The following EYS variants were observed in gnomAD, a reference collection of about 807,000 sequenced individuals.
The protein encoded by EYS is protein eyes shut homolog.
In EYS, 250 loss-of-function variants were observed where a neutral mutation model predicts 282.1. The ratio of observed to expected loss-of-function variants is 0.89; its 90% CI spans 0.80 to 0.98. The LOEUF is 0.98. Ranked by LOEUF, EYS falls within the 50% of genes least tolerant of loss-of-function variation. The pLI is 0.00. For missense variants in EYS, 4,016 were observed against 3,709.0 expected (o/e 1.08, Z -2.15); for synonymous variants, 1,355 against 1,282.9 (o/e 1.06, Z -1.20).
chr6:63,804,295 C>T (rs866177925), intron 37 of EYS, among the ~76,000 whole-genome samples: 30 of 152,252 alleles, frequency 2.0e-4, no homozygotes, highest in African/African-American at 6.7e-4. Context: ...GGATTACAGG[C>T]GTGAGTCACC....
At chr6:64,568,324 A>C (rs1200723586) in intron 26 of EYS, among the ~76,000 whole-genome samples, 3 of 152,226 alleles carry the variant, frequency 2.0e-5, no homozygotes, top group Non-Finnish European at 4.4e-5. Flanking sequence ...CTAGTGAAGG[A>C]AGATGAACAT....
intron 13 of EYS, among the ~76,000 whole-genome samples, chr6:65,024,561 T>A (rs189689366): frequency 3.9e-4 from 59 of 152,340 alleles, no homozygotes; most frequent in Middle Eastern, 3.4e-3. Context: ...GTGGTTTACT[T>A]CTTCAAAATT....
intron 26 of EYS, among the ~76,000 whole-genome samples, chr6:64,461,918 T>G (rs1379921135): frequency 6.6e-6 from 1 of 152,186 alleles, no homozygotes; most frequent in Non-Finnish European, 1.5e-5. Flanking sequence ...CTCATACTAT[T>G]GAATAAAAAG....
intron 31 of EYS, among the ~76,000 whole-genome samples, chr6:64,165,727 G>A (rs1764268418): frequency 6.6e-6 from 1 of 152,050 alleles, no homozygotes; most frequent in Non-Finnish European, 1.5e-5. Context: ...CCATTAATAT[G>A]GCTCCATCAG....
intron 22 of EYS, among the ~76,000 whole-genome samples, chr6:64,693,376 T>G (rs1159649635): frequency 1.3e-5 from 2 of 152,088 alleles, no homozygotes; most frequent in African/African-American, 4.8e-5. Context: ...AGGATACACA[T>G]TTGCTAATTT....
At chr6:64,061,318 G>A (rs912512371) in intron 33 of EYS, among the ~76,000 whole-genome samples, 1 of 152,136 alleles carries the variant, frequency 6.6e-6, no homozygotes, top group Admixed American at 6.6e-5. Context: ...TATATATATA[G>A]TAAGACAATT....
chr6:64,300,298 C>A (rs1769189619), intron 30 of EYS, among the ~76,000 whole-genome samples: 1 of 152,168 alleles, frequency 6.6e-6, no homozygotes, highest in Admixed American at 6.5e-5. Context: ...AGAAGCAACA[C>A]AGACAAAAAG....
rs181133868 is a variant in EYS, at chr6:65,471,430, C to T, written c.862+19164G>A. ...AACAAAAAAAAGGAGTTTATAAAAT[C>T]AACTAATAAAATAAAGATAAATGAC... On this transcript the variant is annotated intron_variant, in intron 5 of 42. Transcript: ENST00000503581. Among the ~76,000 whole-genome samples, 313 of 151,882 alleles carry T rather than the reference C, an allele frequency of 2.1e-3. 2 individuals carry two copies. The highest frequency in any genetic ancestry group is 7.3e-3 in the African/African-American group (302 of 41,466).
At position 64,800,977 on chromosome 6, in the gene EYS, A is replaced by AT. The variant is rs1156746101; in HGVS notation, c.3443+12400dup. 3.3e-5 allele frequency among the ~76,000 whole-genome samples: 5 copies of AT among 152,020 alleles called. No individual in the cohort carries two copies. The East Asian group carries it at 5.8e-4, about 18-fold the overall frequency. ...GTATTTATCAGTGTTCAAAATTACTATTTTTTACGCCCCTCTCATCTGAAT... is the reference window on the plus strand; with the variant it reads ...GTATTTATCAGTGTTCAAAATTACTATTTTTTTACGCCCCTCTCATCTGAAT... On this transcript the variant is annotated intron_variant, in intron 22 of 42. Coordinates refer to ENST00000503581, the MANE Select transcript of EYS (RefSeq NM_001142800.2).
chr6:65,589,455 C>T (rs1174930793), intron 2 of EYS, among the ~76,000 whole-genome samples: 1 of 151,892 alleles, frequency 6.6e-6, no homozygotes, highest in East Asian at 1.9e-4. Context: ...CTAATGATTA[C>T]CCTCACACCC....
intron 22 of EYS, among the ~76,000 whole-genome samples, chr6:64,737,939 A>G (rs1421489746): frequency 6.6e-6 from 1 of 151,934 alleles, no homozygotes; most frequent in Non-Finnish European, 1.5e-5. Flanking sequence ...TATTTGTTTT[A>G]CTCCTCTGTA....
chr6:64,252,863 C>T (rs1427721386), intron 30 of EYS, among the ~76,000 whole-genome samples: 1 of 152,144 alleles, frequency 6.6e-6, no homozygotes, highest in Non-Finnish European at 1.5e-5. Context: ...TATACTCCTC[C>T]TAGAATCTAA....
At chr6:64,116,018 G>T (rs11964066) in intron 31 of EYS, among the ~76,000 whole-genome samples, 2 of 151,452 alleles carry the variant, frequency 1.3e-5, no homozygotes, top group Non-Finnish European at 2.9e-5. Flanking sequence ...CAACAAAATC[G>T]GAAAAATAAT....
At chr6:65,470,988 T>G (rs978255933) in intron 5 of EYS, among the ~76,000 whole-genome samples, 11 of 151,786 alleles carry the variant, frequency 7.2e-5, no homozygotes, top group Admixed American at 6.6e-4. Context: ...AATACAAAAA[T>G]TAGCTGGGCA....
intron 5 of EYS, among the ~76,000 whole-genome samples, chr6:65,471,990 T>C (rs912569044): frequency 6.6e-6 from 1 of 152,136 alleles, no homozygotes; most frequent in Non-Finnish European, 1.5e-5. Flanking sequence ...ATATAGTTTA[T>C]ATGAAGATGA....
intron 24 of EYS, among the ~76,000 whole-genome samples, chr6:64,613,201 G>A (rs1767165580): frequency 6.6e-6 from 1 of 152,002 alleles, no homozygotes; most frequent in Admixed American, 6.6e-5. Context: ...CCAAATTAAT[G>A]ACTTTTGAAC....
At chr6:65,647,247 A>T (rs1207956533) in intron 1 of EYS, among the ~76,000 whole-genome samples, 1 of 152,214 alleles carries the variant, frequency 6.6e-6, no homozygotes, top group Non-Finnish European at 1.5e-5. Flanking sequence ...CAGGTATCAC[A>T]TTACCTGACT....
At position 64,121,216 on chromosome 6, in the gene EYS, G is replaced by C. The variant is rs182023678; in HGVS notation, c.6425-39214C>G. Among the ~76,000 whole-genome samples the C allele has an allele frequency of 3.9e-5, 6 of 152,262 alleles. No individual in the cohort carries two copies. In the East Asian group the frequency reaches 9.7e-4, roughly 25 times the overall value. On this transcript the variant is annotated intron_variant, in intron 31 of 42. Transcript: ENST00000503581. ...ATAATCATGCGGATGAGCAGGCCATGATCTTTTGCCACATAACTTAACCTA... is the reference window on the plus strand; with the variant it reads ...ATAATCATGCGGATGAGCAGGCCATCATCTTTTGCCACATAACTTAACCTA...
intron 1 of EYS, among the ~76,000 whole-genome samples, chr6:65,662,598 C>T (rs554451081): frequency 1.7e-4 from 26 of 152,312 alleles, no homozygotes; most frequent in African/African-American, 6.0e-4. Context: ...TAAATGAGTG[C>T]TCCACATCTT....
Sources: gnomAD v4.1 joint callset for allele counts (sites outside exome capture counted in the v4.1 genomes callset) on GRCh38, gnomAD v4.1.1 for gene constraint, MANE v1.5 for transcripts, NCBI Gene and HGNC (gene_info 2026-07-23, HGNC 2026-07-21) for gene names.